CCSER1: variants seen among roughly 807,000 people sequenced by gnomAD.
The protein encoded by CCSER1 is serine-rich coiled-coil domain-containing protein 1.
CCSER1 carries 41 observed loss-of-function variants against 82.0 expected under a neutral mutation model. The observed-to-expected ratio is 0.50, with a 90% CI of 0.39 to 0.65. The LOEUF is 0.65. CCSER1 is among the 30% of genes least tolerant of loss of function. The pLI, the probability that CCSER1 is intolerant of heterozygous loss-of-function variation, is 0.00. For synonymous variants in CCSER1, 414 were observed against 383.9 expected, an observed-to-expected ratio of 1.08 and a Z score of -0.92; for missense variants, 1,119 against 1,064.2, an observed-to-expected ratio of 1.05 and a Z score of -0.72.
At chr4:91,114,122 G>A (rs1263333980) in intron 10 of CCSER1, among the ~76,000 whole-genome samples, 1 of 152,174 alleles carries the variant, frequency 6.6e-6, no homozygotes, top group African/African-American at 2.4e-5. Context: ...GAAGTGCTGG[G>A]ATTACAGGCT....
intron 1 of CCSER1, among the ~76,000 whole-genome samples, chr4:90,163,188 G>A (rs367984913): frequency 2.0e-5 from 3 of 152,000 alleles, no homozygotes; most frequent in Non-Finnish European, 2.9e-5. Flanking sequence ...GACATTGTTA[G>A]TTTATGATGC....
chr4:90,899,858 A>G (rs932342350), intron 8 of CCSER1, among the ~76,000 whole-genome samples: 8 of 151,866 alleles, frequency 5.3e-5, no homozygotes, highest in African/African-American at 1.5e-4. Flanking sequence ...CTAGCATTGT[A>G]CTGAGGATTT....
chr4:90,568,460 CTGATT>C lies in CCSER1; in HGVS notation c.1725-59563_1725-59559del, dbSNP rs370197365. Among the ~76,000 whole-genome samples the C allele has an allele frequency of 7.2e-5, 11 of 152,050 alleles. No homozygotes were observed. In the East Asian group the frequency reaches 2.1e-3, roughly 29 times the overall value. ...CTTTTTGACACATTGTGTATTTTAT[CTGATT>C]TAAGTTTGGTTATTTCTACTCTCTT... On this transcript the variant is annotated intron_variant, in intron 5 of 10. Coordinates refer to ENST00000509176, the MANE Select transcript of CCSER1 (RefSeq NM_001145065.2).
At chr4:90,357,304 T>C (rs1238802808) in intron 3 of CCSER1, among the ~76,000 whole-genome samples, 6 of 152,104 alleles carry the variant, frequency 3.9e-5, no homozygotes, top group Admixed American at 2.0e-4. Context: ...GTTAGTCTTA[T>C]TGAGGTCCAC....
intron 10 of CCSER1, among the ~76,000 whole-genome samples, chr4:91,406,725 T>C (rs1752726398): frequency 6.6e-6 from 1 of 152,244 alleles, no homozygotes; most frequent in Admixed American, 6.5e-5. Flanking sequence ...TCTTCATGAC[T>C]GTACAACATG....
chr4:91,300,349 A>G (rs1164174541), intron 10 of CCSER1, among the ~76,000 whole-genome samples: 1 of 151,950 alleles, frequency 6.6e-6, no homozygotes, highest in African/African-American at 2.4e-5. Context: ...ACAACTCTGA[A>G]TAAGACTCGA....
At chr4:90,174,458 T>C (rs1451498946) in intron 1 of CCSER1, among the ~76,000 whole-genome samples, 1 of 151,912 alleles carries the variant, frequency 6.6e-6, no homozygotes, top group African/African-American at 2.4e-5. Context: ...AATTGGAGAA[T>C]AAATGAAGTA....
Position 91,330,399 on chromosome 4 carries a change from T to C in CCSER1, c.2217+244405T>C, listed in dbSNP as rs1029144056. Reference sequence around the variant, plus strand: ...AAGTCACCGATCACTGTGGCAAATGTGGAGTGAGAAGAGAGCCAAGAATGT... The same window carrying C: ...AAGTCACCGATCACTGTGGCAAATGCGGAGTGAGAAGAGAGCCAAGAATGT... On this transcript the variant is annotated intron_variant, in intron 10 of 10. Coordinates refer to ENST00000509176, the MANE Select transcript of CCSER1 (RefSeq NM_001145065.2). 6.6e-5 allele frequency among the ~76,000 whole-genome samples: 10 copies of C among 152,248 alleles called. No individual in the cohort carries two copies. The South Asian group carries it at 8.3e-4, about 13-fold the overall frequency.
chr4:90,274,954 A>C (rs1242023226), intron 1 of CCSER1, among the ~76,000 whole-genome samples: 1 of 152,184 alleles, frequency 6.6e-6, no homozygotes, highest in Non-Finnish European at 1.5e-5. Context: ...GACACAGCAG[A>C]AATATCCTAA....
chr4:91,188,372 T>C (rs973450474), intron 10 of CCSER1, among the ~76,000 whole-genome samples: 2 of 152,194 alleles, frequency 1.3e-5, no homozygotes, highest in Non-Finnish European at 2.9e-5. Flanking sequence ...GGCAATTGTA[T>C]CCTAAATTTA....
At chr4:91,437,527 G>T (rs138177563) in intron 10 of CCSER1, among the ~76,000 whole-genome samples, 3 of 152,148 alleles carry the variant, frequency 2.0e-5, no homozygotes, top group African/African-American at 7.2e-5. Context: ...GAACAGCTCC[G>T]GTCTACAGCT....
At chr4:90,502,414 C>T (rs534648515) in intron 5 of CCSER1, among the ~76,000 whole-genome samples, 29 of 152,284 alleles carry the variant, frequency 1.9e-4, no homozygotes, top group African/African-American at 5.8e-4. Context: ...AATCACCTCC[C>T]ACCAGGTCCT....
rs959747717 is a variant in CCSER1, at chr4:90,485,549, AG to A, written c.1724+17196del. Among the ~76,000 whole-genome samples, 13 of 142,462 alleles carry A rather than the reference AG, an allele frequency of 9.1e-5. No individual in the cohort carries two copies. In the East Asian group the frequency reaches 2.9e-3, roughly 32 times the overall value. The allele number at this position is 142,462 out of a possible 152,430, so 93.5% of individuals were successfully genotyped here. On this transcript the variant is annotated intron_variant, in intron 5 of 10. Transcript: ENST00000509176. ...CCCCCCCAATTTAACTTTTATTTAA[AG>A]TTTAGGGGTACATGTGCAGTTTTGT...
At chr4:91,157,410 T>C (rs1164874383) in intron 10 of CCSER1, among the ~76,000 whole-genome samples, 2 of 152,120 alleles carry the variant, frequency 1.3e-5, no homozygotes, top group Non-Finnish European at 1.5e-5. Context: ...AAGGCATTTC[T>C]CTTTATCTAA....
chr4:90,325,105 C>A (rs1160089064), intron 3 of CCSER1, among the ~76,000 whole-genome samples: 1 of 152,148 alleles, frequency 6.6e-6, no homozygotes, highest in African/African-American at 2.4e-5. Context: ...TGATTGCTCA[C>A]CTGACTTTTG....
chr4:90,334,227 G>A (rs1043442344), intron 3 of CCSER1, among the ~76,000 whole-genome samples: 3 of 152,060 alleles, frequency 2.0e-5, no homozygotes, highest in Admixed American at 6.6e-5. Flanking sequence ...GATAGAAAGG[G>A]GTAGGAGATA....
Position 90,860,158 on chromosome 4 carries a change from AAAG to A in CCSER1, c.2094+44316_2094+44318del, listed in dbSNP as rs371409122. 1.7e-3 allele frequency among the ~76,000 whole-genome samples: 256 copies of A among 151,822 alleles called. 1 individual carries two copies. The highest frequency in any genetic ancestry group is 7.4e-3 in the Admixed American group (113 of 15,216). On this transcript the variant is annotated intron_variant, in intron 8 of 10. Coordinates refer to ENST00000509176, the MANE Select transcript of CCSER1 (RefSeq NM_001145065.2). The stretch of plus-strand genomic sequence containing the variant: ...AAAAATTTGTATAATTCAACAATAA[AAAG>A]AAAAATAACCTAGTTTTAAAATGGG...
At chr4:91,040,447 C>T (rs1015909002) in intron 9 of CCSER1, among the ~76,000 whole-genome samples, 1 of 151,978 alleles carries the variant, frequency 6.6e-6, no homozygotes, top group Non-Finnish European at 1.5e-5. Context: ...TATTTTTGTA[C>T]CAAACACTCT....
chr4:90,410,709 A>T (rs1754628770), intron 4 of CCSER1, among the ~76,000 whole-genome samples: 1 of 152,132 alleles, frequency 6.6e-6, no homozygotes, highest in Non-Finnish European at 1.5e-5. Context: ...CTAACATCAC[A>T]ATTAACTAGA....
Sources: gnomAD v4.1 joint callset for allele counts (sites outside exome capture counted in the v4.1 genomes callset) on GRCh38, gnomAD v4.1.1 for gene constraint, MANE v1.5 for transcripts, NCBI Gene and HGNC (gene_info 2026-07-23, HGNC 2026-07-21) for gene names.